Variants in ATP11C observed in about 807,000 individuals in gnomAD.
ATP11C encodes phospholipid-transporting ATPase IG.
A neutral mutation model predicts 97.4 loss-of-function variants in ATP11C; 36 were observed. The ratio of observed to expected loss-of-function variants is 0.37; its 90% confidence interval spans 0.28 to 0.49. ATP11C has a LOEUF of 0.49. Ranked by LOEUF, ATP11C falls within the 20% of genes least tolerant of loss-of-function variation. The pLI is 0.98. For missense variants in ATP11C, 730 were observed against 824.6 expected (o/e 0.89, Z 1.40); for synonymous variants, 275 against 290.9 (o/e 0.95, Z 0.56).
At chrX:139,817,030 A>G (rs2083300523) in intron 3 of ATP11C, 87 bp from the exon 4 acceptor site, 1 of 540,635 alleles carries the variant, frequency 1.8e-6, no homozygotes, top group Non-Finnish European at 2.9e-6. Flanking sequence ...CATTTCAAAC[A>G]GAAACATAGA....
intron 1 of ATP11C, among the ~76,000 whole-genome samples, chrX:139,869,513 G>A (rs1305697082): frequency 1.8e-5 from 2 of 108,614 alleles, no homozygotes; most frequent in Non-Finnish European, 3.8e-5. Context: ...GGGCAGGCGC[G>A]GTGGCTCACG....
intron 24 of ATP11C, among the ~76,000 whole-genome samples, chrX:139,747,552 C>A (rs1331288343): frequency 1.8e-5 from 2 of 111,565 alleles, no homozygotes; most frequent in African/African-American, 6.5e-5. Context: ...CCTTTTAAAG[C>A]TGTAGAAGAA....
At chrX:139,732,745 C>CGA (rs2081373082) in intron 28 of ATP11C, among the ~76,000 whole-genome samples, 1 of 111,601 alleles carries the variant, frequency 9.0e-6, no homozygotes, top group Non-Finnish European at 1.9e-5. Context: ...GTGCCAACTA[C>CGA]TATTTCTCTA....
At chrX:139,757,720 T>A in intron 23 of ATP11C, 88 bp downstream of exon 23, 1 of 622,854 alleles carries the variant, frequency 1.6e-6, no homozygotes, top group African/African-American at 2.2e-5. Flanking sequence ...TGTACATACA[T>A]CTCTAATCTC....
intron 5 of ATP11C, among the ~76,000 whole-genome samples, chrX:139,808,693 C>A (rs190029606): frequency 2.7e-5 from 3 of 111,911 alleles, no homozygotes; most frequent in Admixed American, 1.9e-4. Context: ...CAGATTTACA[C>A]TATAAAATAC....
chrX:139,757,388 T>TG (rs1319477429), intron 23 of ATP11C, among the ~76,000 whole-genome samples: 1 of 111,872 alleles, frequency 8.9e-6, no homozygotes, highest in African/African-American at 3.2e-5. Context: ...CATCTATAGC[T>TG]GCTTTACGTA....
intron 1 of ATP11C, among the ~76,000 whole-genome samples, chrX:139,854,439 G>A (rs187690157): frequency 1.7e-4 from 19 of 111,443 alleles, no homozygotes; most frequent in South Asian, 3.7e-4. Flanking sequence ...GGAAAAGAAT[G>A]GTTATCACCT....
At chrX:139,767,855 C>A (rs2082169920) in intron 20 of ATP11C, among the ~76,000 whole-genome samples, 1 of 111,294 alleles carries the variant, frequency 9.0e-6, no homozygotes, top group Admixed American at 9.5e-5. Context: ...GTGTCAAGAG[C>A]AAAGGAGAAA....
chrX:139,849,023 C>G (rs1286209765), intron 1 of ATP11C, among the ~76,000 whole-genome samples: 1 of 111,911 alleles, frequency 8.9e-6, no homozygotes. Flanking sequence ...ATGCTCATTT[C>G]AAAGCTTCAT....
At position 139,932,764 on chromosome X, in the gene ATP11C, T is replaced by A. The variant is rs1451280968; in HGVS notation, c.-722A>T. Reference sequence around the variant, plus strand: ...CTGGGTACAGCCAACCGGCCCGCCCTGAGCCAGCCGACGGCCAGACTCCCT... The same window carrying A: ...CTGGGTACAGCCAACCGGCCCGCCCAGAGCCAGCCGACGGCCAGACTCCCT... On this transcript the variant is annotated 5_prime_UTR_variant, in exon 1 of 30. Coordinates refer to ENST00000682941, the MANE Select transcript of ATP11C (RefSeq NM_001353812.2). 1 of 111,632 alleles carries A rather than the reference T, an allele frequency of 9.0e-6. No homozygotes were observed. Among genetic ancestry groups the A allele is most frequent in the Non-Finnish European group, 1.9e-5 (1 of 52,970 alleles). 9.2% of individuals were successfully genotyped at this position (111,632 alleles called of 1,213,427 possible).
intron 22 of ATP11C, among the ~76,000 whole-genome samples, chrX:139,760,077 TA>T (rs1480182883): frequency 9.0e-6 from 1 of 111,583 alleles, no homozygotes; most frequent in Non-Finnish European, 1.9e-5. Context: ...CTGTGACACA[TA>T]AAAAGTCCTG....
At position 139,782,301 on chromosome X, in the gene ATP11C, T is replaced by C. The variant is rs750386088; in HGVS notation, c.1952+246A>G. 8.5e-5 allele frequency among the ~76,000 whole-genome samples: 9 copies of C among 106,149 alleles called. No homozygotes were observed. In the South Asian group the frequency reaches 3.9e-3, roughly 46 times the overall value. The allele number at this position is 106,149 out of a possible 115,157, so 92.2% of individuals were successfully genotyped here. A position where few individuals can be genotyped will look rare whatever the true frequency, so the allele number is the denominator to read the frequency against. On this transcript the variant is annotated intron_variant, in intron 18 of 29. Coordinates refer to ENST00000682941, the MANE Select transcript of ATP11C (RefSeq NM_001353812.2). ...AAGACCGCGCCACTGCACTCCAGCC[T>C]GGGCGACAGAGCGAGACTCTGTCTC...
At chrX:139,887,857 G>A (rs2084668372) in intron 1 of ATP11C, among the ~76,000 whole-genome samples, 1 of 107,124 alleles carries the variant, frequency 9.3e-6, no homozygotes, top group Non-Finnish European at 1.9e-5. Flanking sequence ...TATAGTCCCA[G>A]CTACTCAGAA....
chrX:139,910,611 A>G (rs1184381644), intron 1 of ATP11C, among the ~76,000 whole-genome samples: 1 of 109,884 alleles, frequency 9.1e-6, no homozygotes, highest in Non-Finnish European at 1.9e-5. Flanking sequence ...GTCTCAAAAA[A>G]AAAAAAAGAA....
intron 1 of ATP11C, among the ~76,000 whole-genome samples, chrX:139,923,518 G>A (rs2085300431): frequency 8.9e-6 from 1 of 112,124 alleles, no homozygotes; most frequent in African/African-American, 3.2e-5. Flanking sequence ...AATAGGGGAT[G>A]AGTGTTCCAA....
intron 2 of ATP11C, among the ~76,000 whole-genome samples, chrX:139,820,055 C>T (rs763850196): frequency 9.0e-6 from 1 of 111,120 alleles, no homozygotes; most frequent in Non-Finnish European, 1.9e-5. Flanking sequence ...GGTGTGGTGA[C>T]GCACACTGTA....
chrX:139,881,368 G>T lies in ATP11C; in HGVS notation c.27+50648C>A, dbSNP rs777490156. Among the ~76,000 whole-genome samples, 8 of 111,323 alleles carry T rather than the reference G, an allele frequency of 7.2e-5. No individual in the cohort carries two copies. The South Asian group carries it at 3.1e-3, about 43-fold the overall frequency. ...CCACGAGAGTAGAATATTTCATAAG[G>T]AGTATGGGCTGTATCTCCAGTTGCT... On this transcript the variant is annotated intron_variant, in intron 1 of 29. Transcript: ENST00000682941.
At chrX:139,810,393 T>C (rs1250846030) in intron 5 of ATP11C, among the ~76,000 whole-genome samples, 3 of 111,759 alleles carry the variant, frequency 2.7e-5, no homozygotes, top group Non-Finnish European at 5.6e-5. Flanking sequence ...AGGTGGAGGT[T>C]GCAGTGAGCC....
At chrX:139,922,345 T>C (rs1229406667) in intron 1 of ATP11C, among the ~76,000 whole-genome samples, 1 of 101,719 alleles carries the variant, frequency 9.8e-6, no homozygotes, top group Non-Finnish European at 2.0e-5. Context: ...GGAAGATTCC[T>C]ATAGCTATTG....
Sources: allele counts gnomAD v4.1 joint callset (sites outside exome capture counted in the v4.1 genomes callset), GRCh38; gene constraint gnomAD v4.1.1; transcripts MANE v1.5; gene names NCBI Gene and HGNC (gene_info 2026-07-23, HGNC 2026-07-21).